NEBL: variants seen among roughly 807,000 people sequenced by gnomAD.
NEBL encodes the protein LIM and SH3 protein 2.
In NEBL, 122 loss-of-function variants were observed where a neutral mutation model predicts 140.2. The observed-to-expected ratio is 0.87, with a 90% CI of 0.75 to 1.01. The LOEUF (loss-of-function observed/expected upper bound fraction) is 1.01. NEBL is among the 50% of genes least tolerant of loss of function. The probability of loss-of-function intolerance (pLI) is 0.00; values close to 1 mark genes in which losing one functional copy is unlikely to be tolerated. For synonymous variants in NEBL, 436 were observed against 398.9 expected (o/e 1.09, Z -1.11); for missense variants, 1,365 against 1,231.3 (o/e 1.11, Z -1.62).
At chr10:21,140,900 T>C (rs1207158960) in intron 2 of NEBL, among the ~76,000 whole-genome samples, 1 of 151,808 alleles carries the variant, frequency 6.6e-6, no homozygotes, top group Non-Finnish European at 1.5e-5. Flanking sequence ...ATGGCGCATG[T>C]ATACCTAGGT....
intron 4 of NEBL, among the ~76,000 whole-genome samples, chr10:20,928,981 C>T (rs1302541336): frequency 6.6e-6 from 1 of 152,112 alleles, no homozygotes; most frequent in Non-Finnish European, 1.5e-5. Context: ...TCCTCTCTTA[C>T]CTTCTTAATT....
At chr10:21,142,983 C>T (rs1839711277) in intron 2 of NEBL, among the ~76,000 whole-genome samples, 1 of 152,052 alleles carries the variant, frequency 6.6e-6, no homozygotes, top group African/African-American at 2.4e-5. Context: ...GAATTTGAGA[C>T]TTAAGTGTGT....
At chr10:21,129,335 C>A (rs1838990315) in intron 2 of NEBL, among the ~76,000 whole-genome samples, 1 of 151,722 alleles carries the variant, frequency 6.6e-6, no homozygotes, top group Non-Finnish European at 1.5e-5. Context: ...TGACCTCAAA[C>A]TCCTGGGCTC....
Position 20,780,558 on chromosome 10 carries a change from G to A in NEBL, c.*5189C>T, listed in dbSNP as rs1213926618. On this transcript the variant is annotated 3_prime_UTR_variant, in exon 28 of 28. Coordinates refer to ENST00000377122, the MANE Select transcript of NEBL (RefSeq NM_006393.3). ...GTTGTCATGTTAAATCTCAGACCCG[G>A]GGTATTATTAGGGTGCATTGCTTGC... 1.3e-5 allele frequency: 2 copies of A among 152,108 alleles called. No homozygotes were observed. Among genetic ancestry groups the A allele is most frequent in the Admixed American group, 1.3e-4 (2 of 15,274 alleles). The allele number at this position is 152,108 out of a possible 1,614,324, so 9.4% of individuals were successfully genotyped here. A position where few individuals can be genotyped will look rare whatever the true frequency, so the allele number is the denominator to read the frequency against.
intron 2 of NEBL, among the ~76,000 whole-genome samples, chr10:21,079,501 A>T (rs1377923995): frequency 1.3e-5 from 2 of 152,196 alleles, no homozygotes; most frequent in African/African-American, 2.4e-5. Flanking sequence ...TGGATCCAGG[A>T]CTGGAGCTTC....
chr10:20,782,000 CA>C lies in NEBL; in HGVS notation c.*3746del, dbSNP rs1296804910. On this transcript the variant is annotated 3_prime_UTR_variant, in exon 28 of 28. Coordinates refer to ENST00000377122, the MANE Select transcript of NEBL (RefSeq NM_006393.3). ...CCAGCCTCACAATTATTCTATCTTA[CA>C]ATAGGCATTTTAAATCCCAAATCTA... 1 of 152,522 alleles carries C rather than the reference CA, an allele frequency of 6.6e-6. No homozygotes were observed. The highest frequency in any genetic ancestry group is 1.9e-4 in the East Asian group (1 of 5,186). 9.4% of individuals were successfully genotyped at this position (152,522 alleles called of 1,614,324 possible).
At chr10:21,152,279 T>C (rs1313414582) in intron 2 of NEBL, among the ~76,000 whole-genome samples, 1 of 152,170 alleles carries the variant, frequency 6.6e-6, no homozygotes, top group Non-Finnish European at 1.5e-5. Flanking sequence ...ATCTCATAGA[T>C]TGGACCCCAA....
At chr10:21,028,235 C>CAAAAAA (rs1168946872) in intron 2 of NEBL, among the ~76,000 whole-genome samples, 54 of 66,162 alleles carry the variant, frequency 8.2e-4, no homozygotes, top group African/African-American at 1.4e-3. Flanking sequence ...TCAAACATCT[C>CAAAAAA]AAAAAAAAAA....
At chr10:21,187,305 G>T (rs1236336093) in intron 3 of NEBL, among the ~76,000 whole-genome samples, 1 of 151,872 alleles carries the variant, frequency 6.6e-6, no homozygotes. Context: ...CTTCATAACG[G>T]CATGAGAATG....
At chr10:20,934,888 G>A (rs1396306368) in intron 4 of NEBL, among the ~76,000 whole-genome samples, 1 of 152,174 alleles carries the variant, frequency 6.6e-6, no homozygotes, top group Non-Finnish European at 1.5e-5. Context: ...TTTCTAGCAG[G>A]AACAAAATGG....
At position 20,869,726 on chromosome 10, in the gene NEBL, G is replaced by C; in HGVS notation, c.582+14C>G. 1 of 1,568,874 alleles carries C rather than the reference G, an allele frequency of 6.4e-7. No homozygotes were observed. Among genetic ancestry groups the C allele is most frequent in the Non-Finnish European group, 8.8e-7 (1 of 1,138,950 alleles). ...AGAAATCATTTCCGTTCAAGGTTTAGAAAGAGAAGTTACATTGCTTATGAT... is the reference window on the plus strand; with the variant it reads ...AGAAATCATTTCCGTTCAAGGTTTACAAAGAGAAGTTACATTGCTTATGAT... On this transcript the variant is annotated intron_variant, in intron 6 of 27. Coordinates refer to ENST00000377122, the MANE Select transcript of NEBL (RefSeq NM_006393.3).
intron 2 of NEBL, among the ~76,000 whole-genome samples, chr10:21,144,958 A>T (rs1839824951): frequency 1.2e-5 from 1 of 82,196 alleles, no homozygotes; most frequent in South Asian, 4.0e-4. Context: ...CTTCAAATTA[A>T]AAAAAAAAAA....
intron 3 of NEBL, among the ~76,000 whole-genome samples, chr10:20,977,634 C>G (rs1836858192): frequency 6.6e-6 from 1 of 152,162 alleles, no homozygotes; most frequent in African/African-American, 2.4e-5. Flanking sequence ...TCAAATCCTT[C>G]TGCCAGAGAT....
intron 1 of NEBL, among the ~76,000 whole-genome samples, chr10:21,258,411 A>G (rs1564551064): frequency 6.6e-6 from 1 of 152,178 alleles, no homozygotes; most frequent in South Asian, 2.1e-4. Flanking sequence ...TCTACTAACA[A>G]TACAAAAATT....
At chr10:20,980,017 T>C (rs1165023743) in intron 3 of NEBL, among the ~76,000 whole-genome samples, 1 of 151,436 alleles carries the variant, frequency 6.6e-6, no homozygotes, top group Non-Finnish European at 1.5e-5. Context: ...AATTTTAAGA[T>C]GTGAATATAT....
intron 1 of NEBL, among the ~76,000 whole-genome samples, chr10:21,260,232 C>T (rs558799160): frequency 6.6e-6 from 1 of 152,296 alleles, no homozygotes; most frequent in African/African-American, 2.4e-5. Flanking sequence ...CAGCCTCTAG[C>T]CCTTTGAAAA....
intron 3 of NEBL, among the ~76,000 whole-genome samples, chr10:21,205,774 T>G (rs1841815892): frequency 6.6e-6 from 1 of 152,164 alleles, no homozygotes; most frequent in South Asian, 2.1e-4. Flanking sequence ...ACTAACCAAA[T>G]TTTTACATAA....
chr10:21,200,071 G>A (rs1841708849), intron 3 of NEBL, among the ~76,000 whole-genome samples: 1 of 151,910 alleles, frequency 6.6e-6, no homozygotes, highest in Non-Finnish European at 1.5e-5. Flanking sequence ...ACACCCCATG[G>A]GATCAGCTGA....
intron 3 of NEBL, among the ~76,000 whole-genome samples, chr10:21,204,956 C>T (rs796242308): frequency 6.6e-6 from 1 of 152,194 alleles, no homozygotes; most frequent in Non-Finnish European, 1.5e-5. Context: ...GGCTGCCTAG[C>T]CTTGCACCAG....
Sources: allele counts gnomAD v4.1 joint callset (sites outside exome capture counted in the v4.1 genomes callset), GRCh38; gene constraint gnomAD v4.1.1; transcripts MANE v1.5; gene names NCBI Gene and HGNC (gene_info 2026-07-23, HGNC 2026-07-21).